Variants in MTCL3 observed in about 807,000 individuals in gnomAD.
MTCL3 encodes MTCL family member 3, also known as microtubule cross-linking factor 3.
At chr6:127,475,626 C>T in the MTCL3 span, 1 of 1,598,980 alleles carries the variant, frequency 6.3e-7, no homozygotes, top group Admixed American at 1.7e-5. The surrounding 1 kb of genome is among the most constrained non-coding windows in gnomAD (Gnocchi z 7.3). Context: ...GCCCGGGCGC[C>T]GGGTAGAAGG....
At chr6:127,484,172 G>A in the MTCL3 span, among the ~76,000 whole-genome samples, 2 of 152,086 alleles carry the variant, frequency 1.3e-5, no homozygotes, top group African/African-American at 4.8e-5. Context: ...TCATAAATTC[G>A]CAAAGAAATG....
chr6:127,515,700 G>T, the MTCL3 span: 10 of 1,565,160 alleles, frequency 6.4e-6, no homozygotes, highest in Non-Finnish European at 8.6e-7. This position sits in a 1 kb window ranked among gnomAD's most constrained non-coding sequence, Gnocchi z 4.3. Flanking sequence ...AGGCGGAGGC[G>T]ACGGCCAGGG....
the MTCL3 span, among the ~76,000 whole-genome samples, chr6:127,485,458 T>C: frequency 6.6e-6 from 1 of 152,104 alleles, no homozygotes; most frequent in African/African-American, 2.4e-5. Context: ...CAAATTATTG[T>C]CCTAGGGTCA....
the MTCL3 span, chr6:127,475,719 C>A: frequency 1.9e-6 from 3 of 1,587,796 alleles, no homozygotes; most frequent in Non-Finnish European, 2.6e-6. This position sits in a 1 kb window ranked among gnomAD's most constrained non-coding sequence, Gnocchi z 7.3. Flanking sequence ...GCTTGCGGTG[C>A]GGAGGCCGCG....
the MTCL3 span, among the ~76,000 whole-genome samples, chr6:127,477,632 A>G: frequency 6.6e-6 from 1 of 152,208 alleles, no homozygotes; most frequent in Non-Finnish European, 1.5e-5. Context: ...TGCTCAGTAA[A>G]TACCACACAG....
chr6:127,493,866 C>G, the MTCL3 span, among the ~76,000 whole-genome samples: 11 of 152,160 alleles, frequency 7.2e-5, no homozygotes, highest in Non-Finnish European at 1.5e-4. Flanking sequence ...CCTAGTTCCT[C>G]TATTCTTTTC....
chr6:127,499,847 G>T, the MTCL3 span, among the ~76,000 whole-genome samples: 15 of 152,192 alleles, frequency 9.9e-5, no homozygotes, highest in African/African-American at 3.1e-4. Context: ...AGAAGAGATG[G>T]TTCAGAGTAT....
the MTCL3 span, chr6:127,481,424 G>T: frequency 4.1e-6 from 4 of 985,274 alleles, no homozygotes. Flanking sequence ...TTGGCTGTGA[G>T]ACTCTCTGGG....
chr6:127,499,787 G>T, the MTCL3 span, among the ~76,000 whole-genome samples: 1 of 152,162 alleles, frequency 6.6e-6, no homozygotes, highest in Non-Finnish European at 1.5e-5. Flanking sequence ...TCCTCCTTGG[G>T]TTTGGCCAAT....
the MTCL3 span, among the ~76,000 whole-genome samples, chr6:127,479,378 A>G: frequency 1.3e-5 from 2 of 152,200 alleles, no homozygotes; most frequent in African/African-American, 2.4e-5. Context: ...ATGCTTTTAC[A>G]TAGGCTAGGT....
At chr6:127,508,630 T>C in the MTCL3 span, among the ~76,000 whole-genome samples, 1 of 152,306 alleles carries the variant, frequency 6.6e-6, no homozygotes, top group East Asian at 1.9e-4. Flanking sequence ...TGAGACAATA[T>C]AAGGAGTACA....
chr6:127,517,018 A>G, the MTCL3 span, among the ~76,000 whole-genome samples: 46 of 152,332 alleles, frequency 3.0e-4, no homozygotes, highest in African/African-American at 1.1e-3. Context: ...TATAAAAGAA[A>G]AGAGGATAAA....
chr6:127,514,764 T>C, the MTCL3 span: 2 of 1,444,852 alleles, frequency 1.4e-6, no homozygotes, highest in Non-Finnish European at 1.9e-6. Flanking sequence ...AAAGAGCCCT[T>C]GGCCAAAGTC....
the MTCL3 span, chr6:127,515,423 G>A: frequency 8.0e-7 from 1 of 1,249,252 alleles, no homozygotes. The surrounding 1 kb of genome is among the most constrained non-coding windows in gnomAD (Gnocchi z 4.3). Context: ...TCCCTAACAG[G>A]TTAGCAGCCT....
chr6:127,517,148 G>T, the MTCL3 span, among the ~76,000 whole-genome samples: 1 of 152,162 alleles, frequency 6.6e-6, no homozygotes, highest in African/African-American at 2.4e-5. Context: ...ACTGGAGAAA[G>T]TTTTCATTTA....
the MTCL3 span, chr6:127,476,502 G>A: frequency 1.3e-6 from 2 of 1,486,616 alleles, no homozygotes; most frequent in Non-Finnish European, 1.8e-6. This position sits in a 1 kb window ranked among gnomAD's most constrained non-coding sequence, Gnocchi z 4.4. Flanking sequence ...AAGGATAGGA[G>A]ATCATTTTTA....
chr6:127,473,302 A>G, the MTCL3 span: 1 of 1,541,456 alleles, frequency 6.5e-7, no homozygotes, highest in Admixed American at 2.3e-5. Context: ...AAAACAGTGT[A>G]AAAAGGAAGA....
At chr6:127,473,461 C>A in the MTCL3 span, 1 of 1,211,646 alleles carries the variant, frequency 8.3e-7, no homozygotes, top group South Asian at 1.6e-5. Context: ...AAATTCACAT[C>A]AACAAATTTA....
chr6:127,514,446 C>A, the MTCL3 span, among the ~76,000 whole-genome samples: 1 of 152,260 alleles, frequency 6.6e-6, no homozygotes, highest in Non-Finnish European at 1.5e-5. Flanking sequence ...CAGCTCCTGA[C>A]TGCCCGATTC....
Sources: allele counts gnomAD v4.1 joint callset (sites outside exome capture counted in the v4.1 genomes callset), GRCh38; gene constraint gnomAD v4.1.1; non-coding constraint Gnocchi (gnomAD v3.1); transcripts MANE v1.5; gene names NCBI Gene and HGNC (gene_info 2026-07-23, HGNC 2026-07-21).